RPS6KA2: variants seen among roughly 807,000 people sequenced by gnomAD.
The protein encoded by RPS6KA2 is ribosomal protein S6 kinase alpha-2.
A neutral mutation model predicts 91.8 loss-of-function variants in RPS6KA2; 42 were observed. That is an observed-to-expected ratio of 0.46 (90% CI 0.36 to 0.59). The LOEUF (loss-of-function observed/expected upper bound fraction) is 0.59, where lower values mean the gene tolerates loss of function less well. Among genes scored for constraint, RPS6KA2 ranks in the 20% least tolerant of loss-of-function variants. The pLI is 0.00. For missense variants in RPS6KA2, 798 were observed against 978.5 expected, an observed-to-expected ratio of 0.82 and a Z score of 2.46; for synonymous variants, 414 against 393.6, an observed-to-expected ratio of 1.05 and a Z score of -0.61.
intron 1 of RPS6KA2, among the ~76,000 whole-genome samples, chr6:166,583,141 T>G (rs1785070812): frequency 1.3e-5 from 2 of 152,338 alleles, no homozygotes; most frequent in South Asian, 4.1e-4. Context: ...TTCGCATACT[T>G]TTCAAGGTAT....
Position 166,852,080 on chromosome 6 carries a change from C to T in RPS6KA2, c.123+6120G>A, listed in dbSNP as rs141430467. Among the ~76,000 whole-genome samples, 299 of 152,304 alleles carry T rather than the reference C, an allele frequency of 2.0e-3. No homozygotes were observed. The highest frequency in any genetic ancestry group is 2.9e-3 in the Non-Finnish European group (197 of 68,022). On this transcript the variant is annotated intron_variant, in intron 2 of 21. Coordinates refer to the RPS6KA2 transcript ENST00000503859. The surrounding 1 kb of genome is among the most constrained non-coding windows in gnomAD (Gnocchi z 4.1). ...ACAGATGGGCCTGCAGTGGCTTAGC[C>T]GCATCACCCGCTTTCCAGGAGGCAT...
chr6:166,502,980 T>C (rs1267191399), intron 6 of RPS6KA2, among the ~76,000 whole-genome samples: 1 of 152,214 alleles, frequency 6.6e-6, no homozygotes, highest in African/African-American at 2.4e-5. Flanking sequence ...TATAATGAGA[T>C]ATCTTGGAGA....
At chr6:166,765,905 T>C (rs546284556) in intron 2 of RPS6KA2, among the ~76,000 whole-genome samples, 1 of 152,140 alleles carries the variant, frequency 6.6e-6, no homozygotes, top group Non-Finnish European at 1.5e-5. Context: ...GGAGGTTGAG[T>C]ATACACTCCC....
At chr6:166,837,576 A>G (rs1780352365) in intron 2 of RPS6KA2, among the ~76,000 whole-genome samples, 2 of 152,196 alleles carry the variant, frequency 1.3e-5, no homozygotes, top group African/African-American at 4.8e-5. Context: ...TGCAGAGGAC[A>G]CTGGAGTGAG....
chr6:166,830,138 A>AG (rs1383896028), intron 2 of RPS6KA2, among the ~76,000 whole-genome samples: 9 of 129,070 alleles, frequency 7.0e-5, no homozygotes, highest in Admixed American at 1.6e-4. Flanking sequence ...AAAAAAAAAA[A>AG]AAAGAAAGAA....
intron 2 of RPS6KA2, among the ~76,000 whole-genome samples, chr6:166,806,130 C>T (rs2128619196): frequency 6.6e-6 from 1 of 152,222 alleles, no homozygotes; most frequent in Non-Finnish European, 1.5e-5. Context: ...ACCTGTGGAA[C>T]ACCCTTAAGT....
intron 2 of RPS6KA2, among the ~76,000 whole-genome samples, chr6:166,649,013 A>G (rs901977456): frequency 6.6e-6 from 1 of 152,088 alleles, no homozygotes; most frequent in Admixed American, 6.6e-5. Flanking sequence ...TATGTTACCA[A>G]AGCATTATCC....
chr6:166,449,867 C>CACCACGCGGACCACCATGGGACA (rs1419161655), intron 13 of RPS6KA2, among the ~76,000 whole-genome samples: 3 of 131,164 alleles, frequency 2.3e-5, no homozygotes, highest in African/African-American at 7.7e-5. Flanking sequence ...CCATGGGAAC[C>CACCACGCGGACCACCATGGGACA]ACCACGCGGA....
rs60613942 is a variant in RPS6KA2 at position 166,568,621 on chromosome 6, GAAAAAAAAAAAAAAAAAAAAAA to G, written c.100-29859_100-29838del. ...ACAACAAGAGCAAAACTCCATCTCA[GAAAAAAAAAAAAAAAAAAAAAA>G]AAAAAAAAAAAAAAAAAAGCAAAAT... On this transcript the variant is annotated intron_variant, in intron 1 of 20. Transcript: ENST00000265678. Among the ~76,000 whole-genome samples, 76 of 45,550 alleles carry G rather than the reference GAAAAAAAAAAAAAAAAAAAAAA, an allele frequency of 1.7e-3. No individual in the cohort carries two copies. The South Asian group carries it at 0.02, about 12-fold the overall frequency. 29.9% of individuals were successfully genotyped at this position (45,550 alleles called of 152,430 possible).
At chr6:166,475,220 C>T (rs1409574288) in intron 10 of RPS6KA2, among the ~76,000 whole-genome samples, 1 of 152,146 alleles carries the variant, frequency 6.6e-6, no homozygotes, top group Non-Finnish European at 1.5e-5. Context: ...CAGGGTCTTT[C>T]TCTAATTCAC....
At chr6:166,611,414 C>T (rs887310514) in intron 1 of RPS6KA2, among the ~76,000 whole-genome samples, 1 of 152,206 alleles carries the variant, frequency 6.6e-6, no homozygotes, top group Non-Finnish European at 1.5e-5. Flanking sequence ...CACCATCATC[C>T]GACATGACCT....
chr6:166,708,543 T>G (rs563070786), intron 2 of RPS6KA2, among the ~76,000 whole-genome samples: 2 of 152,338 alleles, frequency 1.3e-5, no homozygotes, highest in South Asian at 4.1e-4. Context: ...AATGCTTTCT[T>G]CCTTGCAACT....
intron 3 of RPS6KA2, among the ~76,000 whole-genome samples, chr6:166,527,273 G>C (rs1296288948): frequency 6.6e-6 from 1 of 152,160 alleles, no homozygotes; most frequent in Non-Finnish European, 1.5e-5. Context: ...GGCCAACTTT[G>C]AAGGGAAAGA....
intron 2 of RPS6KA2, among the ~76,000 whole-genome samples, chr6:166,713,908 C>A (rs562082274): frequency 1.3e-5 from 2 of 152,236 alleles, no homozygotes; most frequent in Non-Finnish European, 2.9e-5. Context: ...GTCACCACAC[C>A]CTGTCACCCA....
chr6:166,762,396 G>C (rs374576243), intron 2 of RPS6KA2, among the ~76,000 whole-genome samples: 46 of 152,182 alleles, frequency 3.0e-4, no homozygotes, highest in African/African-American at 1.0e-3. Flanking sequence ...GCGCATATGT[G>C]TGTGTGTGTG....
chr6:166,847,649 T>C (rs1165379247), intron 2 of RPS6KA2, among the ~76,000 whole-genome samples: 3 of 151,972 alleles, frequency 2.0e-5, no homozygotes, highest in African/African-American at 7.2e-5. Context: ...AACAAAAACA[T>C]AAAGTAGGGA....
At chr6:166,564,459 T>C (rs1784433107) in intron 1 of RPS6KA2, among the ~76,000 whole-genome samples, 1 of 152,172 alleles carries the variant, frequency 6.6e-6, no homozygotes, top group South Asian at 2.1e-4. Flanking sequence ...GTGCCGCTCT[T>C]CCAAATTACC....
In RPS6KA2 at chr6:166,726,129, ATT is replaced by A. The variant is rs3071135; in HGVS notation, c.123+132069_123+132070del. ...ATGCCCTTAGGCTACAATATAGAAG[ATT>A]TTTTTTTTTTTTTAGTTTAAAATCT... On this transcript the variant is annotated intron_variant, in intron 2 of 21. Coordinates refer to the RPS6KA2 transcript ENST00000503859. The surrounding 1 kb of genome is among the most constrained non-coding windows in gnomAD (Gnocchi z 4.4). Among the ~76,000 whole-genome samples the A allele has an allele frequency of 9.8e-4, 145 of 148,194 alleles. No homozygotes were observed. Among genetic ancestry groups the A allele is most frequent in the African/African-American group, 2.9e-3 (117 of 40,884 alleles).
intron 1 of RPS6KA2, among the ~76,000 whole-genome samples, chr6:166,545,078 A>C (rs1257954784): frequency 1.3e-5 from 2 of 152,224 alleles, no homozygotes; most frequent in Non-Finnish European, 2.9e-5. Flanking sequence ...GTGCCATGTC[A>C]AGATCGCAGA....
Sources: allele counts gnomAD v4.1 joint callset (sites outside exome capture counted in the v4.1 genomes callset), GRCh38; gene constraint gnomAD v4.1.1; non-coding constraint Gnocchi (gnomAD v3.1); transcripts MANE v1.5; gene names NCBI Gene and HGNC (gene_info 2026-07-23, HGNC 2026-07-21).